The following SKA2 variants were observed in gnomAD, a reference collection of about 807,000 sequenced individuals.
The protein encoded by SKA2 is spindle and kinetochore-associated protein 2.
In SKA2, 13 loss-of-function variants were observed where a neutral mutation model predicts 16.9. The ratio of observed to expected loss-of-function variants is 0.77; its 90% confidence interval spans 0.50 to 1.22. The LOEUF is 1.22. SKA2 is among the 50% of genes most tolerant of loss of function. The probability of loss-of-function intolerance (pLI) is 0.00; values close to 1 mark genes in which losing one functional copy is unlikely to be tolerated. For synonymous variants in SKA2, 47 were observed against 48.5 expected, an observed-to-expected ratio of 0.97 and a Z score of 0.13; for missense variants, 107 against 139.7, an observed-to-expected ratio of 0.77 and a Z score of 1.18.
chr17:59,127,674 A>T (rs1346080470), intron 2 of SKA2, among the ~76,000 whole-genome samples: 3 of 152,044 alleles, frequency 2.0e-5, no homozygotes, highest in African/African-American at 7.2e-5. Flanking sequence ...GGCATGAGCC[A>T]CCACACCCAG....
In SKA2 at chr17:59,144,345, A is replaced by C. The variant is rs76966100; in HGVS notation, c.33+10786T>G. ...AAATGGTATAGCAGTTGTGGAAAAC[A>C]GTATGGTGGCTTCTCAAAAAACTAA... On this transcript the variant is annotated intron_variant, in intron 1 of 3. Coordinates refer to ENST00000330137, the MANE Select transcript of SKA2 (RefSeq NM_182620.4). 2.7e-3 allele frequency among the ~76,000 whole-genome samples: 411 copies of C among 152,342 alleles called. 1 individual carries two copies. Among genetic ancestry groups the C allele is most frequent in the Non-Finnish European group, 5.2e-3 (352 of 68,030 alleles).
intron 2 of SKA2, among the ~76,000 whole-genome samples, chr17:59,129,709 G>C (rs1056266380): frequency 2.0e-5 from 3 of 151,898 alleles, no homozygotes; most frequent in African/African-American, 7.3e-5. Context: ...ACAAAAATTA[G>C]CCGAGCATGG....
intron 2 of SKA2, among the ~76,000 whole-genome samples, chr17:59,125,262 A>AT (rs1273425913): frequency 6.2e-5 from 9 of 145,924 alleles, no homozygotes; most frequent in Admixed American, 2.8e-4. Flanking sequence ...AAGTGCTGGG[A>AT]TTACAGGTAT....
chr17:59,132,306 A>C (rs2046416548), intron 1 of SKA2, among the ~76,000 whole-genome samples: 2 of 151,916 alleles, frequency 1.3e-5, no homozygotes, highest in Non-Finnish European at 2.9e-5. Context: ...CAGTAAGCCA[A>C]GATTGCACCA....
intron 1 of SKA2, among the ~76,000 whole-genome samples, chr17:59,135,689 C>T (rs564251510): frequency 5.3e-5 from 8 of 150,922 alleles, no homozygotes; most frequent in African/African-American, 1.9e-4. Context: ...ATAAATTAGC[C>T]GGACACGGTG....
At position 59,112,364 on chromosome 17, in the gene SKA2, A is replaced by G. The variant is rs1176450163; in HGVS notation, c.298-19T>C. On this transcript the variant is annotated intron_variant, in intron 3 of 3. Transcript: ENST00000330137. Reference sequence around the variant, plus strand: ...GTGACAGCTAGAAAATAAATGATAAAATCTTTATTTCAAAAACTTTCAAAG... The same window carrying G: ...GTGACAGCTAGAAAATAAATGATAAGATCTTTATTTCAAAAACTTTCAAAG... 1.9e-6 allele frequency: 3 copies of G among 1,591,548 alleles called. No individual in the cohort carries two copies. Among genetic ancestry groups the G allele is most frequent in the Non-Finnish European group, 2.6e-6 (3 of 1,169,024 alleles).
intron 2 of SKA2, among the ~76,000 whole-genome samples, chr17:59,120,057 C>T (rs993064673): frequency 5.9e-5 from 9 of 151,760 alleles, no homozygotes; most frequent in African/African-American, 7.3e-5. Context: ...TACAGGCGCC[C>T]GCCACCACGC....
chr17:59,128,523 A>C (rs1599666139), intron 2 of SKA2, among the ~76,000 whole-genome samples: 2 of 150,964 alleles, frequency 1.3e-5, no homozygotes, highest in Non-Finnish European at 3.0e-5. Flanking sequence ...CTACTCAGGA[A>C]GTTGAGGCAG....
intron 1 of SKA2, 80 bp downstream of exon 1, chr17:59,155,051 C>G (rs768531629): frequency 6.2e-7 from 1 of 1,613,974 alleles, no homozygotes; most frequent in Non-Finnish European, 8.5e-7. Context: ...GAGTTTCCGG[C>G]GACTCCAAAT....
At position 59,140,686 on chromosome 17, in the gene SKA2, C is replaced by T. The variant is rs2046481385; in HGVS notation, c.34-9319G>A. 2.0e-5 allele frequency among the ~76,000 whole-genome samples: 3 copies of T among 150,746 alleles called. No homozygotes were observed. In the Admixed American group the frequency reaches 2.0e-4, roughly 10 times the overall value. ...TGTGTAGGGGTGCAATCTCGGCTCA[C>T]TGCAAGCTCTGCCTCCCGGGTTCAC... On this transcript the variant is annotated intron_variant, in intron 1 of 3. Coordinates refer to ENST00000330137, the MANE Select transcript of SKA2 (RefSeq NM_182620.4).
chr17:59,146,392 G>C (rs560724138), intron 1 of SKA2, among the ~76,000 whole-genome samples: 4 of 152,196 alleles, frequency 2.6e-5, no homozygotes, highest in Admixed American at 2.6e-4. Context: ...CCAGCTACTC[G>C]GGAGGGTGAC....
intron 1 of SKA2, among the ~76,000 whole-genome samples, chr17:59,148,456 T>TCAATAGGCCGG (rs1292386773): frequency 9.2e-5 from 14 of 151,856 alleles, no homozygotes; most frequent in Admixed American, 9.2e-4. Flanking sequence ...GATGTCACTG[T>TCAATAGGCCGG]CAATAGGCCG....
At chr17:59,138,983 T>C (rs1254443982) in intron 1 of SKA2, among the ~76,000 whole-genome samples, 1 of 152,196 alleles carries the variant, frequency 6.6e-6, no homozygotes, top group African/African-American at 2.4e-5. Flanking sequence ...TGAGAGACCT[T>C]ATCTCAACAG....
chr17:59,121,674 C>T (rs1174543220), intron 2 of SKA2, among the ~76,000 whole-genome samples: 1 of 148,634 alleles, frequency 6.7e-6, no homozygotes, highest in African/African-American at 2.5e-5. Flanking sequence ...AAAGGTCGGG[C>T]GCGGTGGCTC....
intron 2 of SKA2, among the ~76,000 whole-genome samples, chr17:59,130,609 G>A (rs2046405843): frequency 1.3e-5 from 2 of 150,828 alleles, no homozygotes; most frequent in African/African-American, 2.4e-5. Context: ...CAGCCTGGAC[G>A]ACAGAGTGAT....
chr17:59,131,392 T>C, intron 1 of SKA2, 25 bp from the exon 2 acceptor site: 4 of 1,450,978 alleles, frequency 2.8e-6, no homozygotes, highest in Non-Finnish European at 2.8e-6. Flanking sequence ...AAATCATTAT[T>C]GTGTAAACCA....
At chr17:59,124,440 A>AT (rs964726524) in intron 2 of SKA2, 38 of 151,728 alleles carry the variant, frequency 2.5e-4, no homozygotes, top group African/African-American at 8.7e-4. Context: ...TGGGGAAAAA[A>AT]AAAAAAGTTT....
At chr17:59,122,347 C>T (rs112419225) in intron 2 of SKA2, among the ~76,000 whole-genome samples, 84 of 152,076 alleles carry the variant, frequency 5.5e-4, no homozygotes, top group Non-Finnish European at 9.4e-4. Context: ...CAGTGACTCA[C>T]GCCTGCAAGT....
chr17:59,118,216 A>G (rs1289241732), intron 3 of SKA2: 2 of 152,480 alleles, frequency 1.3e-5, no homozygotes, highest in Non-Finnish European at 2.9e-5. Context: ...CAGTGAGCCG[A>G]GATGGTGCCA....
Sources: allele counts gnomAD v4.1 joint callset (sites outside exome capture counted in the v4.1 genomes callset), GRCh38; gene constraint gnomAD v4.1.1; transcripts MANE v1.5; gene names NCBI Gene and HGNC (gene_info 2026-07-23, HGNC 2026-07-21).